Variants in ANKRD26 observed in about 807,000 individuals in gnomAD.
ANKRD26 encodes ankyrin repeat domain 26.
Under a neutral mutation model 208.7 loss-of-function variants are expected in ANKRD26, and 141 were observed. That is an observed-to-expected ratio of 0.68 (90% CI 0.59 to 0.78). The LOEUF (loss-of-function observed/expected upper bound fraction) is 0.78. Among genes scored for constraint, ANKRD26 ranks in the 30% least tolerant of loss-of-function variants. ANKRD26 has a pLI of 0.00. For missense variants in ANKRD26, 1,889 were observed against 1,938.7 expected (o/e 0.97, Z 0.48); for synonymous variants, 636 against 660.4 (o/e 0.96, Z 0.57).
chr10:26,990,089 T>C (rs1243014735), downstream of ANKRD26, among the ~76,000 whole-genome samples: 1 of 152,148 alleles, frequency 6.6e-6, no homozygotes, highest in Admixed American at 6.5e-5. Context: ...ATTCTGGCTG[T>C]TGAGTTTTTG....
At position 27,005,693 on chromosome 10, in the gene ANKRD26, G is replaced by A; in HGVS notation, c.5030C>T (p.Ala1677Val). The A allele has an allele frequency of 6.2e-7, 1 of 1,611,068 alleles. No individual in the cohort carries two copies. Among genetic ancestry groups the A allele is most frequent in the Non-Finnish European group, 8.5e-7 (1 of 1,178,330 alleles). The part of the protein sequence containing the change: ...AAAELESGSI[A>V]SPLGSTDESN... ...CTCATCAGTAGACCCTAGAGGGGAA[G>A]CTATTGATCCAGATTCCAATTCAGC... The change falls in exon 34 of 34, where the codon GCT becomes GTT. Residue 1677 changes from alanine to valine, a missense_variant. By Grantham distance (64) the Ala-to-Val change is moderately conservative. Transcript: ENST00000376087.
chr10:27,007,633 A>G (rs1414199185), intron 32 of ANKRD26, among the ~76,000 whole-genome samples: 1 of 152,164 alleles, frequency 6.6e-6, no homozygotes, highest in Non-Finnish European at 1.5e-5. Flanking sequence ...TCCAGCCTGG[A>G]TGACAGAGCG....
chr10:26,982,765 T>G (rs907551027), exon 4 of ANKRD26, among the ~76,000 whole-genome samples: 2 of 152,216 alleles, frequency 1.3e-5, no homozygotes, highest in Non-Finnish European at 2.9e-5. Context: ...TACTCTAGAC[T>G]TCTCAGTTGC....
chr10:26,963,461 A>C, the ANKRD26 span, among the ~76,000 whole-genome samples: 6 of 151,986 alleles, frequency 3.9e-5, no homozygotes, highest in African/African-American at 1.5e-4. Context: ...AGCACCTGAG[A>C]CTCTGTATTC....
At position 27,029,321 on chromosome 10, in the gene ANKRD26, G is replaced by A; in HGVS notation, c.3843C>T (p.Val1281=). 1 of 1,612,720 alleles carries A rather than the reference G, an allele frequency of 6.2e-7. No individual in the cohort carries two copies. The highest frequency in any genetic ancestry group is 8.5e-7 in the Non-Finnish European group (1 of 1,179,312). ...QEAQDRHTEA[V]RCAEKMQDHK... is the part of the protein sequence containing the mutation. ...GATCTTGCATCTTCTCAGCACATCTGACAGCTTCTGTATGTCGATCCTGTG... is the reference window on the plus strand; with the variant it reads ...GATCTTGCATCTTCTCAGCACATCTAACAGCTTCTGTATGTCGATCCTGTG... Residue 1281 remains valine (V), a synonymous_variant, in exon 26 of 34, where the codon GTC becomes GTT. Transcript: ENST00000376087.
intron 7 of ANKRD26, among the ~76,000 whole-genome samples, chr10:27,078,519 T>C (rs2055780544): frequency 6.6e-6 from 1 of 152,194 alleles, no homozygotes; most frequent in Non-Finnish European, 1.5e-5. Context: ...TTAAGTATAC[T>C]AAGGCACACT....
intron 5 of ANKRD26, among the ~76,000 whole-genome samples, chr10:26,980,363 G>C (rs1232628083): frequency 1.3e-5 from 2 of 152,130 alleles, no homozygotes; most frequent in African/African-American, 4.8e-5. Context: ...TCTGACCACT[G>C]TGCTTTTTCC....
At chr10:27,081,031 A>G (rs1458938353) in intron 6 of ANKRD26, 4 of 841,554 alleles carry the variant, frequency 4.8e-6, no homozygotes, top group African/African-American at 1.8e-5. Flanking sequence ...AAAGCCACCG[A>G]TAAGTTGAGG....
intron 9 of ANKRD26, among the ~76,000 whole-genome samples, chr10:27,074,984 A>T (rs1184632927): frequency 6.6e-6 from 1 of 152,092 alleles, no homozygotes; most frequent in Non-Finnish European, 1.5e-5. Flanking sequence ...TATCAAGCAA[A>T]ACTAAGTTTC....
intron 25 of ANKRD26, among the ~76,000 whole-genome samples, chr10:27,032,344 C>T (rs1039779001): frequency 4.6e-5 from 7 of 151,606 alleles, no homozygotes; most frequent in South Asian, 2.1e-4. Context: ...ATTAAAAATA[C>T]AAAAATTAGG....
intron 5 of ANKRD26, among the ~76,000 whole-genome samples, chr10:26,992,645 T>C (rs2052511474): frequency 6.6e-6 from 1 of 152,186 alleles, no homozygotes; most frequent in Non-Finnish European, 1.5e-5. Flanking sequence ...TTTGGTTGCA[T>C]GTTGACTTAC....
chr10:26,973,332 C>A (rs1166547833), downstream of ANKRD26, among the ~76,000 whole-genome samples: 1 of 152,040 alleles, frequency 6.6e-6, no homozygotes, highest in East Asian at 1.9e-4. Context: ...AAATCAAATT[C>A]TTTGCAATCA....
chr10:27,082,068 AAAAAAAGGG>A (rs1348088844), intron 6 of ANKRD26, among the ~76,000 whole-genome samples: 7 of 139,986 alleles, frequency 5.0e-5, no homozygotes, highest in Admixed American at 1.4e-4. Flanking sequence ...AAAAAAAAAA[AAAAAAAGGG>A]AGAGAGAGAA....
At chr10:26,986,268 TA>T (rs2052385534) in intron 3 of ANKRD26, among the ~76,000 whole-genome samples, 1 of 152,102 alleles carries the variant, frequency 6.6e-6, no homozygotes, top group Non-Finnish European at 1.5e-5. Flanking sequence ...CACCTTATAC[TA>T]AAATTAATCC....
intron 4 of ANKRD26, among the ~76,000 whole-genome samples, chr10:26,997,282 T>C (rs918240445): frequency 6.6e-6 from 1 of 152,190 alleles, no homozygotes; most frequent in Non-Finnish European, 1.5e-5. Context: ...AATCCTTTCA[T>C]TACTCTGAGA....
At chr10:27,047,907 C>G (rs1020824573) in intron 17 of ANKRD26, among the ~76,000 whole-genome samples, 1 of 151,820 alleles carries the variant, frequency 6.6e-6, no homozygotes. Context: ...CCATGCCTGC[C>G]TAATTTTGTA....
At chr10:27,082,748 G>A (rs2055971486) in intron 6 of ANKRD26, 55 bp downstream of exon 6, 1 of 1,533,682 alleles carries the variant, frequency 6.5e-7, no homozygotes, top group Non-Finnish European at 8.8e-7. Context: ...GCACTCAACA[G>A]TTTCTTTTCT....
intron 25 of ANKRD26, 84 bp downstream of exon 25, chr10:27,033,141 C>CGGTA: frequency 1.0e-6 from 1 of 967,738 alleles, no homozygotes; most frequent in Non-Finnish European, 1.5e-6. Context: ...CAAAAGAAGG[C>CGGTA]TACCCACTAA....
chr10:27,017,275 C>T lies in ANKRD26; in HGVS notation c.4506+227G>A, dbSNP rs1450871043. Reference sequence around the variant, plus strand: ...ATGGTTTTGTTTTATGCCAACTGGTCTTAATAGTCAAATAATTCTCTGATG... The same window carrying T: ...ATGGTTTTGTTTTATGCCAACTGGTTTTAATAGTCAAATAATTCTCTGATG... On this transcript the variant is annotated intron_variant, in intron 30 of 33. Coordinates refer to ENST00000376087, the MANE Select transcript of ANKRD26 (RefSeq NM_014915.3). 3.3e-5 allele frequency among the ~76,000 whole-genome samples: 5 copies of T among 152,216 alleles called. No homozygotes were observed. The East Asian group carries it at 7.7e-4, about 24-fold the overall frequency.
Sources: gnomAD v4.1 joint callset for allele counts (sites outside exome capture counted in the v4.1 genomes callset) on GRCh38, gnomAD v4.1.1 for gene constraint, MANE v1.5 for transcripts, NCBI Gene and HGNC (gene_info 2026-07-23, HGNC 2026-07-21) for gene names.